Variants in MET observed in about 807,000 individuals in gnomAD.
MET encodes hepatocyte growth factor receptor.
A neutral mutation model predicts 133.1 loss-of-function variants in MET; 48 were observed. That is an observed-to-expected ratio of 0.36 (90% confidence interval 0.29 to 0.46). MET has a LOEUF of 0.46. MET is among the 20% of genes least tolerant of loss of function. The pLI is 1.00. For missense variants in MET, 1,442 were observed against 1,695.9 expected (o/e 0.85, Z 2.63); for synonymous variants, 628 against 616.5 (o/e 1.02, Z -0.28).
chr7:116,793,576 G>A (rs183642), intron 19 of MET, among the ~76,000 whole-genome samples: 52,968 of 151,788 alleles, frequency 0.35, 11,126 homozygotes, highest in East Asian at 0.47. Context: ...GTCAAGCAAC[G>A]TGAACTATTA....
chr7:116,795,309 G>A (rs917667676), intron 19 of MET, among the ~76,000 whole-genome samples: 2 of 152,242 alleles, frequency 1.3e-5, no homozygotes, highest in South Asian at 2.1e-4. Context: ...TAAAATTGTA[G>A]TGAAGCTATT....
intron 1 of MET, among the ~76,000 whole-genome samples, chr7:116,675,499 A>G (rs1326939449): frequency 1.3e-5 from 2 of 152,170 alleles, no homozygotes; most frequent in African/African-American, 4.8e-5. Flanking sequence ...CACCTTTCTG[A>G]TACCAAAACG....
intron 5 of MET, among the ~76,000 whole-genome samples, chr7:116,746,997 A>G (rs1442900099): frequency 1.3e-5 from 2 of 152,190 alleles, no homozygotes; most frequent in Non-Finnish European, 2.9e-5. Context: ...AACATTCTTA[A>G]AGAAAATAAT....
rs1795354319 is a variant in MET, at chr7:116,787,534, T to C, written c.3798+4065T>C. Among the ~76,000 whole-genome samples, 3 of 152,112 alleles carry C rather than the reference T, an allele frequency of 2.0e-5. No homozygotes were observed. In the South Asian group the frequency reaches 6.2e-4, roughly 32 times the overall value. On this transcript the variant is annotated intron_variant, in intron 19 of 20. Transcript: ENST00000397752. ...AAGGCATCACATGGGTGTGAGAGAG[T>C]GCAAGAGAGAGCAAGAGGTGAACAG...
At chr7:116,782,953 T>G (rs1377735815) in intron 18 of MET, among the ~76,000 whole-genome samples, 1 of 152,224 alleles carries the variant, frequency 6.6e-6, no homozygotes, top group African/African-American at 2.4e-5. Flanking sequence ...AAGCGAAGAT[T>G]GGTGATTGCT....
chr7:116,687,324 C>T (rs1406010807), intron 1 of MET, among the ~76,000 whole-genome samples: 1 of 152,166 alleles, frequency 6.6e-6, no homozygotes, highest in Non-Finnish European at 1.5e-5. Context: ...AAATTGGATT[C>T]TGTACTTATT....
At chr7:116,690,042 C>T (rs541125654) in intron 1 of MET, among the ~76,000 whole-genome samples, 1 of 152,194 alleles carries the variant, frequency 6.6e-6, no homozygotes, top group South Asian at 2.1e-4. Flanking sequence ...AGAAATAACA[C>T]TATTTAAACT....
chr7:116,796,017 T>TA lies in MET; in HGVS notation c.4067dup (p.Tyr1356Ter). The change falls in exon 21 of 21, where the codon TAT (tyrosine) becomes TAAT (stop). Residue 1356 changes from tyrosine to a stop codon, truncating the protein, a stop_gained and frameshift_variant. Transcript: ENST00000397752. LOFTEE classifies it low-confidence loss of function (END_TRUNC). ...GCACTATGTCCATGTGAACGCTACT[T>TA]ATGTGAACGTAAAATGTGTCGCTCC... ...GEHYVHVNAT[Y>*]VNVKCVAPYP... is the part of the protein sequence containing the mutation. The TA allele has an allele frequency of 6.2e-7, 1 of 1,613,994 alleles. No homozygotes were observed. Among genetic ancestry groups the TA allele is most frequent in the Non-Finnish European group, 8.5e-7 (1 of 1,179,886 alleles).
chr7:116,745,529 A>G (rs1793637511), intron 5 of MET, among the ~76,000 whole-genome samples: 1 of 152,238 alleles, frequency 6.6e-6, no homozygotes, highest in Admixed American at 6.5e-5. Context: ...ACTTCAAACT[A>G]TACTACAAGG....
rs1794949971 is a variant in MET, at chr7:116,774,985, C to A, written c.3133C>A (p.Pro1045Thr). 6.2e-7 allele frequency: 1 copy of A among 1,614,024 alleles called. No homozygotes were observed. Among genetic ancestry groups the A allele is most frequent in the African/African-American group, 1.3e-5 (1 of 74,912 alleles). The stretch of plus-strand genomic sequence containing the variant: ...TAGTGGGGACTCTGATATATCCAGT[C>A]CATTACTGCAAAATACTGTCCACAT... ...LTSGDSDISS[P>T]LLQNTVHIDL... Residue 1045 changes from proline to threonine, a missense_variant, in exon 15 of 21, where the codon CCA becomes ACA. Transcript: ENST00000397752.
rs75444692 is a variant in MET, at chr7:116,696,789, A to G, written c.-14-2282A>G. Among the ~76,000 whole-genome samples the G allele has an allele frequency of 6.2e-3, 947 of 152,320 alleles. 9 individuals are homozygous for G. Among genetic ancestry groups the G allele is most frequent in the African/African-American group, 0.021 (869 of 41,556 alleles). ...GAGTGGAGTCTCTGTTACTCTGCCA[A>G]TCAAGTTCTAAATTTTTATTCCTTC... On this transcript the variant is annotated intron_variant, in intron 1 of 20. Coordinates refer to ENST00000397752, the MANE Select transcript of MET (RefSeq NM_000245.4).
At chr7:116,749,895 C>G (rs1793847464) in intron 5 of MET, among the ~76,000 whole-genome samples, 1 of 152,134 alleles carries the variant, frequency 6.6e-6, no homozygotes, top group South Asian at 2.1e-4. Context: ...AGGAATACAA[C>G]TTACAAGGGA....
chr7:116,733,348 CTT>C (rs557820994), intron 3 of MET, among the ~76,000 whole-genome samples: 2 of 138,646 alleles, frequency 1.4e-5, no homozygotes, highest in African/African-American at 2.6e-5. Context: ...TTTATTTCTG[CTT>C]TTTTTTTTTT....
intron 19 of MET, among the ~76,000 whole-genome samples, chr7:116,789,984 T>A (rs750499702): frequency 6.6e-6 from 1 of 152,092 alleles, no homozygotes. Flanking sequence ...GGCCCCAGTG[T>A]GTGTTGTTCC....
chr7:116,768,547 A>G (rs539814782), intron 11 of MET, among the ~76,000 whole-genome samples: 1 of 152,338 alleles, frequency 6.6e-6, no homozygotes, highest in African/African-American at 2.4e-5. Context: ...CTCCAACATC[A>G]GGTTATAAAG....
chr7:116,774,824 G>A (rs2117028829), intron 14 of MET, 57 bp from the exon 15 acceptor site: 1 of 1,322,230 alleles, frequency 7.6e-7, no homozygotes. Context: ...TCCTGTTTCA[G>A]TCCCCATTAA....
chr7:116,766,446 G>C (rs1279012305), intron 11 of MET, among the ~76,000 whole-genome samples: 1 of 152,096 alleles, frequency 6.6e-6, no homozygotes, highest in Non-Finnish European at 1.5e-5. Flanking sequence ...TGTGGGCATT[G>C]GAAGGATCAA....
At chr7:116,754,044 A>C (rs533823901) in intron 5 of MET, among the ~76,000 whole-genome samples, 1 of 152,258 alleles carries the variant, frequency 6.6e-6, no homozygotes, top group African/African-American at 2.4e-5. Flanking sequence ...CTGAGGCGGG[A>C]GGATTGCTTG....
chr7:116,748,719 CAAG>C (rs1252970686), intron 5 of MET, among the ~76,000 whole-genome samples: 1 of 151,970 alleles, frequency 6.6e-6, no homozygotes, highest in African/African-American at 2.4e-5. Flanking sequence ...CCAGAATCAT[CAAG>C]AAGAAAAGAG....
Sources: allele counts gnomAD v4.1 joint callset (sites outside exome capture counted in the v4.1 genomes callset), GRCh38; gene constraint gnomAD v4.1.1; transcripts MANE v1.5; gene names NCBI Gene and HGNC (gene_info 2026-07-23, HGNC 2026-07-21).